Variants in MACROD2 observed in about 807,000 individuals in gnomAD.
The protein encoded by MACROD2 is mono-ADP ribosylhydrolase 2.
Under a neutral mutation model 70.4 loss-of-function variants are expected in MACROD2, and 36 were observed. The ratio of observed to expected loss-of-function variants is 0.51; its 90% CI spans 0.39 to 0.68. The LOEUF (loss-of-function observed/expected upper bound fraction) is 0.68. MACROD2 is among the 30% of genes least tolerant of loss of function. The pLI is 0.00. For missense variants in MACROD2, 496 were observed against 538.4 expected (o/e 0.92, Z 0.78); for synonymous variants, 172 against 178.8 (o/e 0.96, Z 0.30).
At chr20:14,963,124 G>T (rs1012753457) in intron 5 of MACROD2, among the ~76,000 whole-genome samples, 17 of 152,076 alleles carry the variant, frequency 1.1e-4, no homozygotes, top group Non-Finnish European at 2.4e-4. Context: ...AATTAGCTCA[G>T]AGCACAGTGC....
chr20:14,032,429 A>G (rs1276965370), intron 2 of MACROD2, among the ~76,000 whole-genome samples: 1 of 152,146 alleles, frequency 6.6e-6, no homozygotes. Context: ...GTTTTATATG[A>G]GTACCTGTTT....
chr20:14,370,845 G>A (rs1248527363), intron 3 of MACROD2, among the ~76,000 whole-genome samples: 2 of 152,162 alleles, frequency 1.3e-5, no homozygotes, highest in African/African-American at 4.8e-5. Context: ...TGCATTTTCA[G>A]TAGAGAAATG....
chr20:15,855,485 T>G (rs1309314005), intron 8 of MACROD2, among the ~76,000 whole-genome samples: 1 of 152,200 alleles, frequency 6.6e-6, no homozygotes, highest in Non-Finnish European at 1.5e-5. Flanking sequence ...GATTTTTGAT[T>G]GTTGACCAAG....
intron 4 of MACROD2, among the ~76,000 whole-genome samples, chr20:14,514,410 C>G (rs541002794): frequency 1.3e-5 from 2 of 152,214 alleles, no homozygotes; most frequent in South Asian, 4.1e-4. Context: ...CTGCCTTTCC[C>G]TGTCAGCTGA....
At chr20:14,837,903 C>G (rs1014643048) in intron 5 of MACROD2, among the ~76,000 whole-genome samples, 4 of 151,220 alleles carry the variant, frequency 2.6e-5, no homozygotes, top group African/African-American at 9.7e-5. Context: ...TCCACATTCC[C>G]CCTGAGGGAA....
chr20:14,926,556 A>G (rs1265334347), intron 5 of MACROD2, among the ~76,000 whole-genome samples: 4 of 151,992 alleles, frequency 2.6e-5, no homozygotes, highest in Non-Finnish European at 5.9e-5. Context: ...CAAAAAAAAA[A>G]AAAGGAAGCA....
chr20:15,021,008 A>ATG (rs541584071), intron 5 of MACROD2, among the ~76,000 whole-genome samples: 113 of 147,680 alleles, frequency 7.7e-4, no homozygotes, highest in South Asian at 2.8e-3. Context: ...ATGCATACAC[A>ATG]TGTGTATATG....
intron 8 of MACROD2, among the ~76,000 whole-genome samples, chr20:15,625,335 A>G (rs463243): frequency 6.6e-6 from 1 of 152,204 alleles, no homozygotes; most frequent in Non-Finnish European, 1.5e-5. Flanking sequence ...TTAATGTGAC[A>G]TGCTCTGTGG....
At chr20:14,614,494 G>A (rs771980110) in intron 4 of MACROD2, among the ~76,000 whole-genome samples, 14 of 152,212 alleles carry the variant, frequency 9.2e-5, no homozygotes, top group East Asian at 3.9e-4. Flanking sequence ...AGCAGCCAGC[G>A]TTGGGAACGA....
At chr20:14,386,380 G>C (rs940219462) in intron 3 of MACROD2, among the ~76,000 whole-genome samples, 2 of 152,148 alleles carry the variant, frequency 1.3e-5, no homozygotes, top group Non-Finnish European at 2.9e-5. Flanking sequence ...TCTCTTCTCT[G>C]ATGGCAATAT....
rs532315606 is a variant in MACROD2, at chr20:14,250,411, C to G, written c.271+164683C>G. Among the ~76,000 whole-genome samples, 127 of 151,962 alleles carry G rather than the reference C, an allele frequency of 8.4e-4. 1 individual carries two copies. In the South Asian group the frequency reaches 0.019, roughly 22 times the overall value. On this transcript the variant is annotated intron_variant, in intron 3 of 17. Transcript: ENST00000684519. Reference sequence around the variant, plus strand: ...AATACATGATAACCATTATTAATTTCTTTTGACTTTCATTTTCTAAGAATA... The same window carrying G: ...AATACATGATAACCATTATTAATTTGTTTTGACTTTCATTTTCTAAGAATA...
At chr20:14,836,654 G>A (rs942165824) in intron 5 of MACROD2, among the ~76,000 whole-genome samples, 1 of 151,988 alleles carries the variant, frequency 6.6e-6, no homozygotes, top group African/African-American at 2.4e-5. Flanking sequence ...CTGGAAGATG[G>A]AAATGACTAG....
chr20:14,795,663 G>T (rs2072501305), intron 5 of MACROD2, among the ~76,000 whole-genome samples: 2 of 152,092 alleles, frequency 1.3e-5, no homozygotes, highest in African/African-American at 2.4e-5. Flanking sequence ...ACAGCAGGAG[G>T]CAAGGCCAGT....
intron 8 of MACROD2, among the ~76,000 whole-genome samples, chr20:15,539,568 T>A (rs1469447558): frequency 6.6e-6 from 1 of 152,250 alleles, no homozygotes; most frequent in Non-Finnish European, 1.5e-5. Flanking sequence ...AGTGGAGATA[T>A]TTTCACTGGT....
chr20:15,354,361 T>C (rs1375328164), intron 6 of MACROD2, among the ~76,000 whole-genome samples: 1 of 150,972 alleles, frequency 6.6e-6, no homozygotes, highest in African/African-American at 2.4e-5. Flanking sequence ...GGGGTGGGGG[T>C]AGCGGGGAGG....
chr20:15,968,274 C>T (rs1035310518), intron 13 of MACROD2, among the ~76,000 whole-genome samples: 1 of 152,064 alleles, frequency 6.6e-6, no homozygotes, highest in Non-Finnish European at 1.5e-5. Context: ...CTTCCACAAC[C>T]CTAAAAGCTA....
chr20:15,725,913 T>C (rs1434853291), intron 8 of MACROD2, among the ~76,000 whole-genome samples: 1 of 152,114 alleles, frequency 6.6e-6, no homozygotes, highest in Non-Finnish European at 1.5e-5. Flanking sequence ...GTAAATTGTG[T>C]AAATTTACCT....
intron 8 of MACROD2, among the ~76,000 whole-genome samples, chr20:15,542,502 G>A (rs1377244213): frequency 6.6e-6 from 1 of 152,154 alleles, no homozygotes; most frequent in African/African-American, 2.4e-5. Flanking sequence ...ATGGAGAGGG[G>A]CAAATATGGG....
intron 4 of MACROD2, among the ~76,000 whole-genome samples, chr20:14,516,093 G>A (rs995894539): frequency 2.7e-5 from 4 of 149,224 alleles, no homozygotes; most frequent in Admixed American, 2.0e-4. Context: ...AAATAAATAA[G>A]AAAGAAATTT....
Sources: allele counts gnomAD v4.1 joint callset (sites outside exome capture counted in the v4.1 genomes callset), GRCh38; gene constraint gnomAD v4.1.1; transcripts MANE v1.5; gene names NCBI Gene and HGNC (gene_info 2026-07-23, HGNC 2026-07-21).